The following SAMHD1 variants were observed in gnomAD, a reference collection of about 807,000 sequenced individuals.
SAMHD1 encodes SAM and HD domain containing deoxynucleoside triphosphate triphosphohydrolase 1, also known as deoxynucleoside triphosphate triphosphohydrolase SAMHD1.
A neutral mutation model predicts 79.6 loss-of-function variants in SAMHD1; 54 were observed. The ratio of observed to expected loss-of-function variants is 0.68; its 90% CI spans 0.55 to 0.85. The LOEUF (loss-of-function observed/expected upper bound fraction) is 0.85, where lower values mean the gene tolerates loss of function less well. Ranked by LOEUF, SAMHD1 falls within the 40% of genes least tolerant of loss-of-function variation. The pLI, the probability that SAMHD1 is intolerant of heterozygous loss-of-function variation, is 0.00. For missense variants in SAMHD1, 663 were observed against 782.7 expected (o/e 0.85, Z 1.82); for synonymous variants, 260 against 264.1 (o/e 0.98, Z 0.15).
chr20:36,947,494 T>A (rs1236333945), intron 1 of SAMHD1, among the ~76,000 whole-genome samples: 53 of 93,016 alleles, frequency 5.7e-4, no homozygotes, highest in African/African-American at 1.7e-3. Flanking sequence ...TGTGTGTGAG[T>A]GTGTGTGTGT....
chr20:36,942,839 G>A (rs1377426442), intron 2 of SAMHD1, among the ~76,000 whole-genome samples: 1 of 151,926 alleles, frequency 6.6e-6, no homozygotes, highest in Non-Finnish European at 1.5e-5. Flanking sequence ...TGTATTTTTA[G>A]TAGAGACAGG....
In SAMHD1 at chr20:36,926,085, T is replaced by C. The variant is rs913283846; in HGVS notation, c.696+1097A>G. Among the ~76,000 whole-genome samples the C allele has an allele frequency of 4.6e-5, 7 of 150,752 alleles. No homozygotes were observed. In the East Asian group the frequency reaches 1.3e-3, roughly 29 times the overall value. On this transcript the variant is annotated intron_variant, in intron 6 of 15. Transcript: ENST00000646673. ...TAAAAATGTAATTAACTTTCCACACTACAACAACATAGAAAATGTATTTCT... is the reference window on the plus strand; with the variant it reads ...TAAAAATGTAATTAACTTTCCACACCACAACAACATAGAAAATGTATTTCT...
chr20:36,915,047 G>A (rs926966823), intron 9 of SAMHD1, among the ~76,000 whole-genome samples: 1 of 151,870 alleles, frequency 6.6e-6, no homozygotes, highest in East Asian at 1.9e-4. Context: ...TATGATACAC[G>A]TAACATTCAA....
intron 2 of SAMHD1, among the ~76,000 whole-genome samples, chr20:36,944,527 C>T (rs1226646803): frequency 6.6e-6 from 1 of 152,186 alleles, no homozygotes; most frequent in East Asian, 1.9e-4. Context: ...CAACATGTAA[C>T]TAAAATTTCA....
intron 5 of SAMHD1, among the ~76,000 whole-genome samples, chr20:36,928,943 G>C (rs1260673998): frequency 1.3e-5 from 2 of 150,398 alleles, no homozygotes; most frequent in African/African-American, 4.9e-5. Context: ...TGTAGTCCCA[G>C]CTACTTGGGA....
chr20:36,911,349 C>T lies in SAMHD1; in HGVS notation c.1155-16G>A, dbSNP rs2063439149. On this transcript the variant is annotated splice_polypyrimidine_tract_variant and intron_variant, in intron 10 of 15. Transcript: ENST00000646673. ...ATCTGTAATCCTAAAAATCATTTTG[C>T]AAAAATTTATGTTTATGAGAAATTT... 3 of 1,528,396 alleles carry T rather than the reference C, an allele frequency of 2.0e-6. No homozygotes were observed. The Admixed American group carries it at 5.0e-5, about 26-fold the overall frequency. 94.7% of individuals were successfully genotyped at this position (1,528,396 alleles called of 1,614,324 possible). A position where few individuals can be genotyped will look rare whatever the true frequency, so the allele number is the denominator to read the frequency against.
At chr20:36,944,204 G>A (rs1031647699) in intron 2 of SAMHD1, among the ~76,000 whole-genome samples, 2 of 151,510 alleles carry the variant, frequency 1.3e-5, no homozygotes, top group African/African-American at 4.8e-5. Context: ...AAAATTAACC[G>A]GGCATGGTGG....
intron 5 of SAMHD1, among the ~76,000 whole-genome samples, chr20:36,927,617 A>C (rs932172618): frequency 6.6e-6 from 1 of 152,096 alleles, no homozygotes; most frequent in African/African-American, 2.4e-5. Flanking sequence ...ACACTCAGCC[A>C]AACTGAATTC....
chr20:36,918,019 A>AT (rs901195740), intron 7 of SAMHD1, among the ~76,000 whole-genome samples: 60 of 151,486 alleles, frequency 4.0e-4, no homozygotes, highest in South Asian at 6.2e-4. Flanking sequence ...TTCAAATATG[A>AT]TTTTTTTTTA....
rs1293200784 is a variant in SAMHD1 at position 36,894,244 on chromosome 20, TA to T, written c.1747-1179del. 1.7e-3 allele frequency: 319 copies of T among 191,166 alleles called. 1 individual carries two copies. Among genetic ancestry groups the T allele is most frequent in the African/African-American group, 7.5e-3 (292 of 38,886 alleles). The allele number at this position is 191,166 out of a possible 1,614,324, so 11.8% of individuals were successfully genotyped here. A position where few individuals can be genotyped will look rare whatever the true frequency, so the allele number is the denominator to read the frequency against. ...AAATAGTTTTTAAAAAATGTGTTAT[TA>T]TTTTTTTTTGAGATGGAATTTTGCT... is the stretch of plus-strand genomic sequence containing the variant. On this transcript the variant is annotated intron_variant, in intron 15 of 15. Transcript: ENST00000646673.
At chr20:36,912,311 C>T in intron 10 of SAMHD1, 150 bp downstream of exon 10, 2 of 642,834 alleles carry the variant, frequency 3.1e-6, no homozygotes, top group South Asian at 3.5e-5. Flanking sequence ...TAACTTTATG[C>T]TAGATTTTTT....
chr20:36,913,124 G>C (rs1417400247), intron 9 of SAMHD1, among the ~76,000 whole-genome samples: 8 of 149,428 alleles, frequency 5.4e-5, no homozygotes, highest in African/African-American at 2.0e-4. Flanking sequence ...AGTCTCCCGA[G>C]TGGCTGGGAC....
chr20:36,948,533 G>A (rs1444610559), intron 1 of SAMHD1, among the ~76,000 whole-genome samples: 1 of 151,846 alleles, frequency 6.6e-6, no homozygotes, highest in Non-Finnish European at 1.5e-5. Context: ...GATTACAGGC[G>A]TGAGCCACCG....
chr20:36,942,699 T>C (rs575204827), intron 2 of SAMHD1, among the ~76,000 whole-genome samples: 2 of 151,912 alleles, frequency 1.3e-5, no homozygotes, highest in African/African-American at 2.4e-5. Context: ...CAGGCTGGAG[T>C]GCAGTGACGT....
chr20:36,922,895 C>T (rs1186794528), intron 6 of SAMHD1, among the ~76,000 whole-genome samples: 1 of 152,072 alleles, frequency 6.6e-6, no homozygotes, highest in African/African-American at 2.4e-5. Flanking sequence ...GCGATCTGCC[C>T]ACCTTGGCCT....
intron 15 of SAMHD1, chr20:36,897,619 C>A: frequency 1.6e-6 from 1 of 627,930 alleles, no homozygotes; most frequent in South Asian, 1.9e-5. Context: ...TAAACAGTAT[C>A]CATTCCCAAC....
intron 13 of SAMHD1, 103 bp from the exon 14 acceptor site, chr20:36,898,647 C>A (rs1244449598): frequency 3.4e-6 from 3 of 871,890 alleles, no homozygotes; most frequent in Non-Finnish European, 5.7e-6. Context: ...GGCGCAGTAG[C>A]TCATGCCTAT....
chr20:36,921,392 C>CGAAAAAAAA (rs2063503147), intron 6 of SAMHD1, among the ~76,000 whole-genome samples: 1 of 55,090 alleles, frequency 1.8e-5, no homozygotes, highest in Non-Finnish European at 3.2e-5. Context: ...GACTCTGTCT[C>CGAAAAAAAA]AAAAAAAAAA....
At chr20:36,934,959 A>T (rs1193118333) in intron 4 of SAMHD1, 70 bp downstream of exon 4, 2 of 1,523,516 alleles carry the variant, frequency 1.3e-6, no homozygotes, top group Non-Finnish European at 9.1e-7. Context: ...TGCCTGGCCT[A>T]AGATAACTAT....
Sources: gnomAD v4.1 joint callset for allele counts (sites outside exome capture counted in the v4.1 genomes callset) on GRCh38, gnomAD v4.1.1 for gene constraint, MANE v1.5 for transcripts, NCBI Gene and HGNC (gene_info 2026-07-23, HGNC 2026-07-21) for gene names.